The following MRPS27 variants were observed in gnomAD, a reference collection of about 807,000 sequenced individuals.
MRPS27 encodes small ribosomal subunit protein mS27.
A neutral mutation model predicts 48.9 loss-of-function variants in MRPS27; 43 were observed. The observed-to-expected ratio is 0.88, with a 90% CI of 0.69 to 1.13. The LOEUF is 1.13. MRPS27 is among the 50% of genes most tolerant of loss of function. The pLI is 0.00. For synonymous variants in MRPS27, 188 were observed against 171.9 expected, an observed-to-expected ratio of 1.09 and a Z score of -0.73; for missense variants, 467 against 476.3, an observed-to-expected ratio of 0.98 and a Z score of 0.18.
chr5:72,223,552 AT>A, intron 10 of MRPS27, 130 bp downstream of exon 10: 1 of 1,136,250 alleles, frequency 8.8e-7, no homozygotes, highest in Non-Finnish European at 1.3e-6. Flanking sequence ...AGCAATAAAA[AT>A]GTAATTTTTG....
At chr5:72,257,350 G>T (rs1748837086) in intron 4 of MRPS27, among the ~76,000 whole-genome samples, 1 of 152,142 alleles carries the variant, frequency 6.6e-6, no homozygotes, top group Admixed American at 6.5e-5. Flanking sequence ...CAAGTGCTCA[G>T]ATTATTTTTT....
At chr5:72,269,087 G>A (rs1489294498) in intron 4 of MRPS27, among the ~76,000 whole-genome samples, 1 of 152,178 alleles carries the variant, frequency 6.6e-6, no homozygotes, top group Non-Finnish European at 1.5e-5. Flanking sequence ...TATTTGCAGG[G>A]TGCAGTATAA....
intron 4 of MRPS27, among the ~76,000 whole-genome samples, chr5:72,241,133 A>C (rs1461848324): frequency 6.6e-6 from 1 of 152,062 alleles, no homozygotes; most frequent in African/African-American, 2.4e-5. Flanking sequence ...GAACTCTTGG[A>C]CTCAAGTGAT....
chr5:72,221,354 G>A (rs1337963336), intron 10 of MRPS27, among the ~76,000 whole-genome samples: 3 of 152,116 alleles, frequency 2.0e-5, no homozygotes, highest in Non-Finnish European at 4.4e-5. Flanking sequence ...CATTTTGTTG[G>A]GAAATGGTCA....
intron 2 of MRPS27, among the ~76,000 whole-genome samples, chr5:72,299,888 T>C (rs965741822): frequency 4.6e-5 from 7 of 152,244 alleles, no homozygotes; most frequent in Non-Finnish European, 8.8e-5. Context: ...AAGAGAACTT[T>C]ATCCTTCTAG....
intron 4 of MRPS27, among the ~76,000 whole-genome samples, chr5:72,239,076 C>G (rs1035153479): frequency 1.3e-5 from 2 of 152,084 alleles, no homozygotes; most frequent in African/African-American, 4.8e-5. Context: ...CTGAATCATT[C>G]AGGAAGCAGG....
rs1748139657 is a variant in MRPS27, at chr5:72,234,190, TA to T, written c.403del (p.Tyr135MetfsTer13). The T allele has an allele frequency of 1.3e-6, 2 of 1,499,250 alleles. No individual in the cohort carries two copies. Among genetic ancestry groups the T allele is most frequent in the Non-Finnish European group, 1.8e-6 (2 of 1,126,816 alleles). 92.9% of individuals were successfully genotyped at this position (1,499,250 alleles called of 1,614,324 possible). A position where few individuals can be genotyped will look rare whatever the true frequency, so the allele number is the denominator to read the frequency against. On this transcript the variant is annotated frameshift_variant, in exon 6 of 11. Coordinates refer to ENST00000261413, the MANE Select transcript of MRPS27 (RefSeq NM_015084.3). LOFTEE classifies it high-confidence loss of function. ...TGTAAAGTTATCTGGAAAAATTCCATATTGAACCTATAATGAAAATGAACAT... is the reference window on the plus strand; with the variant it reads ...TGTAAAGTTATCTGGAAAAATTCCATTTGAACCTATAATGAAAATGAACAT... ...ALYTLVNKVQ[Y>X]GIFPDNFTFN...
At chr5:72,235,541 T>C (rs1201288973) in intron 5 of MRPS27, among the ~76,000 whole-genome samples, 1 of 152,160 alleles carries the variant, frequency 6.6e-6, no homozygotes, top group Non-Finnish European at 1.5e-5. Flanking sequence ...TCATCAATTG[T>C]AATAAATGTA....
At chr5:72,237,488 C>A (rs1055598426) in intron 5 of MRPS27, among the ~76,000 whole-genome samples, 1 of 152,134 alleles carries the variant, frequency 6.6e-6, no homozygotes, top group Non-Finnish European at 1.5e-5. Context: ...ATAGTTCAAA[C>A]TAGTGTTTAG....
intron 4 of MRPS27, among the ~76,000 whole-genome samples, chr5:72,293,874 C>T (rs886665381): frequency 6.6e-6 from 1 of 152,138 alleles, no homozygotes; most frequent in Non-Finnish European, 1.5e-5. Context: ...GGCCAGATGC[C>T]AGCCCAAATA....
At chr5:72,232,650 G>C (rs1276259736) in intron 6 of MRPS27, 92 bp from the exon 7 acceptor site, 1 of 869,864 alleles carries the variant, frequency 1.1e-6, no homozygotes, top group East Asian at 2.8e-5. Context: ...TAAAACGTGG[G>C]GCATGGTTTA....
chr5:72,313,257 T>C (rs914745013), intron 2 of MRPS27, among the ~76,000 whole-genome samples: 89 of 152,122 alleles, frequency 5.9e-4, no homozygotes, highest in African/African-American at 2.1e-3. Flanking sequence ...CCTGCACTTA[T>C]GGGAAAAATC....
chr5:72,313,779 G>A (rs1044792979), intron 2 of MRPS27, among the ~76,000 whole-genome samples: 12 of 152,092 alleles, frequency 7.9e-5, no homozygotes, highest in East Asian at 7.7e-4. Context: ...TATAAAATAC[G>A]AAATTCTGTA....
intron 4 of MRPS27, among the ~76,000 whole-genome samples, chr5:72,254,825 G>C (rs1430180809): frequency 6.6e-6 from 1 of 152,018 alleles, no homozygotes; most frequent in Admixed American, 6.6e-5. Flanking sequence ...AATTTGATTT[G>C]AGAGAATTCA....
At chr5:72,296,909 T>C (rs1289797827) in intron 3 of MRPS27, among the ~76,000 whole-genome samples, 1 of 152,086 alleles carries the variant, frequency 6.6e-6, no homozygotes, top group African/African-American at 2.4e-5. Context: ...AATGAGAAAA[T>C]TGAGAGGGAT....
intron 4 of MRPS27, among the ~76,000 whole-genome samples, chr5:72,260,836 C>A (rs555161797): frequency 2.0e-5 from 3 of 152,116 alleles, no homozygotes; most frequent in African/African-American, 7.2e-5. Flanking sequence ...TTACTTTCTA[C>A]AGTAATTAAC....
intron 4 of MRPS27, among the ~76,000 whole-genome samples, chr5:72,258,702 C>T (rs183492244): frequency 6.6e-6 from 1 of 152,240 alleles, no homozygotes; most frequent in Admixed American, 6.5e-5. Context: ...AGAGAACTGC[C>T]CTCACCAGAT....
intron 2 of MRPS27, among the ~76,000 whole-genome samples, chr5:72,305,247 T>C (rs1456132565): frequency 1.3e-5 from 2 of 152,128 alleles, no homozygotes; most frequent in African/African-American, 2.4e-5. Context: ...TCTCTAGAAC[T>C]TGGCAAATAT....
chr5:72,292,268 T>C (rs1366271308), intron 4 of MRPS27, among the ~76,000 whole-genome samples: 2 of 151,344 alleles, frequency 1.3e-5, no homozygotes, highest in East Asian at 3.9e-4. Flanking sequence ...TCATTTTTAG[T>C]TCACATTATT....
Sources: gnomAD v4.1 joint callset for allele counts (sites outside exome capture counted in the v4.1 genomes callset) on GRCh38, gnomAD v4.1.1 for gene constraint, MANE v1.5 for transcripts, NCBI Gene and HGNC (gene_info 2026-07-23, HGNC 2026-07-21) for gene names.